Variants in DIP2C observed in about 807,000 individuals in gnomAD.
DIP2C encodes disco-interacting protein 2 homolog C.
Under a neutral mutation model 192.4 loss-of-function variants are expected in DIP2C, and 33 were observed. The observed-to-expected ratio is 0.17, with a 90% CI of 0.13 to 0.23. DIP2C has a LOEUF of 0.23. Among genes scored for constraint, DIP2C ranks in the 10% least tolerant of loss-of-function variants. DIP2C has a pLI of 1.00. For synonymous variants in DIP2C, 979 were observed against 864.1 expected, an observed-to-expected ratio of 1.13 and a Z score of -2.33; for missense variants, 1,537 against 2,110.1, an observed-to-expected ratio of 0.73 and a Z score of 5.32.
intron 34 of DIP2C, among the ~76,000 whole-genome samples, chr10:285,290 C>G (rs1955048823): frequency 6.6e-6 from 1 of 152,120 alleles, no homozygotes; most frequent in Non-Finnish European, 1.5e-5. Context: ...GGGGATGCGT[C>G]CAGGGCTGAG....
intron 1 of DIP2C, among the ~76,000 whole-genome samples, chr10:497,022 G>A (rs1844884614): frequency 6.6e-6 from 1 of 152,200 alleles, no homozygotes; most frequent in South Asian, 2.1e-4. Context: ...TACTTCAGAG[G>A]CTGAGGCAGA....
intron 1 of DIP2C, among the ~76,000 whole-genome samples, chr10:492,046 G>C (rs1844485765): frequency 6.6e-6 from 1 of 152,210 alleles, no homozygotes; most frequent in Non-Finnish European, 1.5e-5. Context: ...CAGGGGCTAA[G>C]AGGAATCTCA....
At position 277,186 on chromosome 10, in the gene DIP2C, TTCC is replaced by T. The variant is rs994308074; in HGVS notation, c.*136_*138del. ...ATCGTGGCTGCTGTGAGAAGTCCTC[TTCC>T]TCCTCCTCTTCCTCCTCCACTCTCA... On this transcript the variant is annotated 3_prime_UTR_variant, in exon 37 of 37. Coordinates refer to ENST00000280886, the MANE Select transcript of DIP2C (RefSeq NM_014974.3). The T allele has an allele frequency of 1.6e-5, 21 of 1,325,926 alleles. No homozygotes were observed. The highest frequency in any genetic ancestry group is 5.8e-5 in the African/African-American group (4 of 68,586). 82.1% of individuals were successfully genotyped at this position (1,325,926 alleles called of 1,614,324 possible). A position where few individuals can be genotyped will look rare whatever the true frequency, so the allele number is the denominator to read the frequency against.
chr10:444,539 G>A (rs1043080387), intron 3 of DIP2C, among the ~76,000 whole-genome samples: 3 of 151,806 alleles, frequency 2.0e-5, no homozygotes, highest in Admixed American at 2.0e-4. Context: ...TCCGTCACCC[G>A]AGACTTGTGT....
intron 1 of DIP2C, among the ~76,000 whole-genome samples, chr10:562,408 C>G (rs1342957298): frequency 9.9e-5 from 15 of 152,188 alleles, no homozygotes. Context: ...GCTCACTATT[C>G]AAAGGCATGT....
chr10:651,548 G>C lies in DIP2C; in HGVS notation c.85+37946C>G, dbSNP rs1855905947. 2.2e-6 allele frequency: 1 copy of C among 445,468 alleles called. No homozygotes were observed. Among genetic ancestry groups the C allele is most frequent in the South Asian group, 2.1e-5 (1 of 48,638 alleles). The allele number at this position is 445,468 out of a possible 1,614,324, so 27.6% of individuals were successfully genotyped here. On this transcript the variant is annotated intron_variant, in intron 1 of 36. Transcript: ENST00000280886. This position sits in a 1 kb window ranked among gnomAD's most constrained non-coding sequence, Gnocchi z 4.1. ...GCAAAAAAAGCTTAACTTTGTTTCA[G>C]TGCCTTTCCAGTTAAATGTTGTTAA...
intron 9 of DIP2C, among the ~76,000 whole-genome samples, chr10:400,500 T>C (rs540202989): frequency 1.8e-4 from 28 of 152,376 alleles, no homozygotes; most frequent in African/African-American, 6.7e-4. Flanking sequence ...AGCGTTACTC[T>C]TCCTTCTGGA....
chr10:606,581 C>G (rs1446393625), intron 1 of DIP2C, among the ~76,000 whole-genome samples: 1 of 150,800 alleles, frequency 6.6e-6, no homozygotes, highest in Non-Finnish European at 1.5e-5. Flanking sequence ...TCTCTCGCCC[C>G]GCTGCCGTAA....
At chr10:612,977 G>C (rs1406210758) in intron 1 of DIP2C, among the ~76,000 whole-genome samples, 1 of 152,158 alleles carries the variant, frequency 6.6e-6, no homozygotes, top group Non-Finnish European at 1.5e-5. Context: ...CGTTGAGCTG[G>C]CTGCAGCAGT....
At chr10:607,671 G>T (rs1408827447) in intron 1 of DIP2C, among the ~76,000 whole-genome samples, 1 of 152,160 alleles carries the variant, frequency 6.6e-6, no homozygotes, top group African/African-American at 2.4e-5. Flanking sequence ...ACGATGCAAT[G>T]AGTGTGACTA....
chr10:293,447 C>T (rs938033766), intron 32 of DIP2C, among the ~76,000 whole-genome samples: 29 of 152,344 alleles, frequency 1.9e-4, no homozygotes, highest in African/African-American at 6.3e-4. Flanking sequence ...TTTTAAACTA[C>T]ACCTTCTTCC....
intron 1 of DIP2C, among the ~76,000 whole-genome samples, chr10:647,808 T>C (rs1855551720): frequency 1.4e-5 from 2 of 142,600 alleles, no homozygotes; most frequent in African/African-American, 2.7e-5. Flanking sequence ...CATTGGATGG[T>C]GGGAGAGAAC....
At chr10:379,109 C>T (rs1962046274) in intron 17 of DIP2C, among the ~76,000 whole-genome samples, 1 of 149,022 alleles carries the variant, frequency 6.7e-6, no homozygotes, top group Admixed American at 6.9e-5. Flanking sequence ...TGACAGAGGG[C>T]ACAGCACCTG....
At chr10:555,440 C>T (rs1848799841) in intron 1 of DIP2C, among the ~76,000 whole-genome samples, 1 of 152,204 alleles carries the variant, frequency 6.6e-6, no homozygotes, top group Non-Finnish European at 1.5e-5. Flanking sequence ...AGAGCATCCT[C>T]AGTCGCCGAA....
In DIP2C at chr10:373,497, C is replaced by A. The variant is rs147807413; in HGVS notation, c.1992-3864G>T. On this transcript the variant is annotated intron_variant, in intron 17 of 36. Coordinates refer to ENST00000280886, the MANE Select transcript of DIP2C (RefSeq NM_014974.3). ...AAAAGCTGAGTGTTGGGAGAAGCTG[C>A]GGCAGGGCTTGCAGGTCTGACATAA... 6.0e-3 allele frequency among the ~76,000 whole-genome samples: 917 copies of A among 152,234 alleles called. 4 individuals carry two copies. The highest frequency in any genetic ancestry group is 0.014 in the Middle Eastern group (4 of 294).
chr10:378,726 C>T (rs1211262815), intron 17 of DIP2C, among the ~76,000 whole-genome samples: 5 of 151,658 alleles, frequency 3.3e-5, no homozygotes, highest in African/African-American at 9.7e-5. Flanking sequence ...GACACGTGAA[C>T]AGACATGCAT....
chr10:622,596 C>CT (rs1347539049), intron 1 of DIP2C, among the ~76,000 whole-genome samples: 2 of 152,170 alleles, frequency 1.3e-5, no homozygotes, highest in African/African-American at 4.8e-5. Context: ...GGACCTGGAC[C>CT]TAAAGCACCA....
chr10:387,564 G>A (rs1963067442), intron 14 of DIP2C, among the ~76,000 whole-genome samples, 181 bp downstream of exon 14: 1 of 143,624 alleles, frequency 7.0e-6, no homozygotes, highest in African/African-American at 2.6e-5. Flanking sequence ...GCAGGGCGGG[G>A]TGGGGGGCGA....
intron 1 of DIP2C, among the ~76,000 whole-genome samples, chr10:548,587 C>G (rs1848426457): frequency 8.2e-6 from 1 of 121,804 alleles, no homozygotes. Flanking sequence ...GTGATGTGGC[C>G]AGAGGTGACG....
Sources: allele counts gnomAD v4.1 joint callset (sites outside exome capture counted in the v4.1 genomes callset), GRCh38; gene constraint gnomAD v4.1.1; non-coding constraint Gnocchi (gnomAD v3.1); transcripts MANE v1.5; gene names NCBI Gene and HGNC (gene_info 2026-07-23, HGNC 2026-07-21).